NAPEPLD: variants seen among roughly 807,000 people sequenced by gnomAD.
NAPEPLD encodes the protein N-acyl phosphatidylethanolamine phospholipase D.
Under a neutral mutation model 38.1 loss-of-function variants are expected in NAPEPLD, and 23 were observed. The observed-to-expected ratio is 0.60, with a 90% CI of 0.43 to 0.86. NAPEPLD has a LOEUF of 0.86. NAPEPLD is among the 40% of genes least tolerant of loss of function. The pLI is 0.00. For missense variants in NAPEPLD, 411 were observed against 476.8 expected, an observed-to-expected ratio of 0.86 and a Z score of 1.28; for synonymous variants, 147 against 162.0, an observed-to-expected ratio of 0.91 and a Z score of 0.71.
intron 4 of NAPEPLD, among the ~76,000 whole-genome samples, chr7:103,112,406 T>C (rs1181622365): frequency 1.3e-5 from 2 of 152,152 alleles, no homozygotes; most frequent in Admixed American, 1.3e-4. Flanking sequence ...ATATACACCA[T>C]GGAATACTAT....
At chr7:103,107,811 T>C (rs1474833160) in intron 4 of NAPEPLD, among the ~76,000 whole-genome samples, 1 of 152,070 alleles carries the variant, frequency 6.6e-6, no homozygotes, top group African/African-American at 2.4e-5. Flanking sequence ...TGAAACCAAG[T>C]TGGAAAACAC....
intron 2 of NAPEPLD, 43 bp downstream of exon 2, chr7:103,128,440 T>C (rs760321796): frequency 6.3e-7 from 1 of 1,599,318 alleles, no homozygotes; most frequent in African/African-American, 1.3e-5. Flanking sequence ...GAGTGTCATA[T>C]ATGAAGAGCA....
intron 1 of NAPEPLD, chr7:103,129,288 T>G: frequency 1.0e-6 from 1 of 983,086 alleles, no homozygotes; most frequent in Non-Finnish European, 1.2e-6. Flanking sequence ...GCTTTACCTA[T>G]TAACATAACT....
At chr7:103,115,290 T>A in intron 3 of NAPEPLD, 116 bp from the exon 4 acceptor site, 1 of 689,728 alleles carries the variant, frequency 1.4e-6, no homozygotes, top group Non-Finnish European at 2.4e-6. Context: ...TGTTGAGAAT[T>A]AAGAACCACT....
At chr7:103,108,274 T>C (rs150216941) in intron 4 of NAPEPLD, among the ~76,000 whole-genome samples, 57 of 152,014 alleles carry the variant, frequency 3.7e-4, no homozygotes, top group African/African-American at 1.3e-3. Flanking sequence ...TCCTGAGTAG[T>C]TGGGATCACA....
chr7:103,147,355 T>C (rs1812773645), intron 1 of NAPEPLD, among the ~76,000 whole-genome samples: 1 of 152,238 alleles, frequency 6.6e-6, no homozygotes, highest in Non-Finnish European at 1.5e-5. Context: ...AAACACTTTT[T>C]ATGTGTATGC....
intron 4 of NAPEPLD, among the ~76,000 whole-genome samples, chr7:103,112,338 G>T (rs1804693058): frequency 6.6e-6 from 1 of 152,134 alleles, no homozygotes; most frequent in Non-Finnish European, 1.5e-5. Flanking sequence ...CAATAGCTAA[G>T]ACTTGGAACC....
chr7:103,136,409 T>TA (rs10611860), intron 1 of NAPEPLD, among the ~76,000 whole-genome samples: 116 of 142,086 alleles, frequency 8.2e-4, no homozygotes, highest in African/African-American at 2.8e-3. Context: ...CTGTCTCTAC[T>TA]AAAAAAAAAA....
At chr7:103,148,246 A>G (rs1338039563) in intron 1 of NAPEPLD, 1 of 326,790 alleles carries the variant, frequency 3.1e-6, no homozygotes, top group Non-Finnish European at 4.4e-6. Context: ...TTTCATGCTA[A>G]GCCAAAGCCA....
chr7:103,119,910 A>G lies in NAPEPLD; in HGVS notation c.608T>C (p.Phe203Ser), dbSNP rs1181905545. The stretch of plus-strand genomic sequence containing the variant: ...CACAAACCATCTCAACTCATTACCA[A>G]ATCGCTCATTCAAAGCAATGACAGA... The part of the protein sequence containing the change: ...YNSVIALNER[F>S]GNELRWFVPL... The change falls in exon 3 of 5, where the codon TTT becomes TCT. Residue 203 changes from phenylalanine (F) to serine (S), a missense_variant. By Grantham distance (155) the Phe-to-Ser change is radical. Transcript: ENST00000465647. 1.1e-5 allele frequency: 18 copies of G among 1,614,166 alleles called. No homozygotes were observed. Among genetic ancestry groups the G allele is most frequent in the Non-Finnish European group, 1.5e-5 (18 of 1,180,032 alleles).
rs1275575972 is a variant in NAPEPLD, at chr7:103,102,530, G to C, written c.*899C>G. 1 of 151,224 alleles carries C rather than the reference G, an allele frequency of 6.6e-6. No homozygotes were observed. The highest frequency in any genetic ancestry group is 1.5e-5 in the Non-Finnish European group (1 of 67,886). 9.4% of individuals were successfully genotyped at this position (151,224 alleles called of 1,614,324 possible). A position where few individuals can be genotyped will look rare whatever the true frequency, so the allele number is the denominator to read the frequency against. ...CTTTTTTCTTTTTTTTTTTCCGAGA[G>C]AGACGGGAGGTCACCATGTTGCCCA... is the stretch of plus-strand genomic sequence containing the variant. On this transcript the variant is annotated 3_prime_UTR_variant, in exon 5 of 5. Coordinates refer to ENST00000465647, the MANE Select transcript of NAPEPLD (RefSeq NM_001122838.3).
intron 4 of NAPEPLD, among the ~76,000 whole-genome samples, chr7:103,109,563 C>T (rs1485296382): frequency 6.6e-6 from 1 of 152,154 alleles, no homozygotes; most frequent in Non-Finnish European, 1.5e-5. Flanking sequence ...AGGACAAAGA[C>T]ACAATGTACC....
chr7:103,108,323 A>G (rs1803820373), intron 4 of NAPEPLD, among the ~76,000 whole-genome samples: 1 of 152,050 alleles, frequency 6.6e-6, no homozygotes, highest in East Asian at 1.9e-4. Flanking sequence ...TTGCATTTTT[A>G]GTAGAGACGG....
intron 4 of NAPEPLD, among the ~76,000 whole-genome samples, chr7:103,105,492 A>G (rs1803126919): frequency 1.3e-5 from 2 of 152,254 alleles, no homozygotes. Flanking sequence ...TAGTGCTTAA[A>G]TATATGTAGG....
In NAPEPLD at chr7:103,105,685, C is replaced by A. The variant is rs555412970; in HGVS notation, c.1057-2131G>T. 2.1e-4 allele frequency among the ~76,000 whole-genome samples: 32 copies of A among 152,248 alleles called. 1 individual carries two copies. The East Asian group carries it at 6.0e-3, about 28-fold the overall frequency. On this transcript the variant is annotated intron_variant, in intron 4 of 4. Transcript: ENST00000465647. Reference sequence around the variant, plus strand: ...GTAACTGGCTGGGTGCAGTGGCTCACGCCAGTTAAGGCTGAAGCGGACGGA... The same window carrying A: ...GTAACTGGCTGGGTGCAGTGGCTCAAGCCAGTTAAGGCTGAAGCGGACGGA...
At position 103,141,683 on chromosome 7, in the gene NAPEPLD, T is replaced by C. The variant is rs187425287; in HGVS notation, c.-17+7128A>G. ...CGTGACCTTCTCTGGCATTCGGGCA[T>C]TGGCTGTACCCTTCCGCTTACCTAT... On this transcript the variant is annotated intron_variant, in intron 1 of 4. Coordinates refer to ENST00000465647, the MANE Select transcript of NAPEPLD (RefSeq NM_001122838.3). The C allele has an allele frequency of 9.4e-4, 860 of 911,354 alleles. 4 individuals are homozygous for C. The African/African-American group carries it at 0.011, about 11-fold the overall frequency. 56.5% of individuals were successfully genotyped at this position (911,354 alleles called of 1,614,324 possible).
intron 1 of NAPEPLD, chr7:103,147,850 A>T (rs1440710293): frequency 2.4e-6 from 1 of 420,450 alleles, no homozygotes; most frequent in East Asian, 1.6e-4. Context: ...AGCCTGCAGA[A>T]TGTTAACAAA....
At chr7:103,121,936 G>C (rs1282757066) in intron 2 of NAPEPLD, among the ~76,000 whole-genome samples, 1 of 152,120 alleles carries the variant, frequency 6.6e-6, no homozygotes, top group Non-Finnish European at 1.5e-5. Flanking sequence ...TCATGATGCA[G>C]AGAAAAGGAA....
intron 1 of NAPEPLD, among the ~76,000 whole-genome samples, chr7:103,130,681 A>T (rs566108612): frequency 1.8e-4 from 28 of 152,128 alleles, no homozygotes; most frequent in African/African-American, 6.5e-4. Flanking sequence ...TGCAGCCTCA[A>T]CCTCCCGGGG....
Sources: gnomAD v4.1 joint callset for allele counts (sites outside exome capture counted in the v4.1 genomes callset) on GRCh38, gnomAD v4.1.1 for gene constraint, MANE v1.5 for transcripts, NCBI Gene and HGNC (gene_info 2026-07-23, HGNC 2026-07-21) for gene names.